The following DAB1 variants were observed in gnomAD, a reference collection of about 807,000 sequenced individuals.
DAB1 encodes the protein disabled homolog 1.
A neutral mutation model predicts 64.6 loss-of-function variants in DAB1; 15 were observed. The observed-to-expected ratio is 0.23, with a 90% CI of 0.16 to 0.36. The LOEUF is 0.36. Ranked by LOEUF, DAB1 falls within the 10% of genes least tolerant of loss-of-function variation. The pLI is 1.00. For synonymous variants in DAB1, 235 were observed against 251.9 expected (o/e 0.93, Z 0.64); for missense variants, 596 against 706.7 (o/e 0.84, Z 1.78).
chr1:57,335,523 T>C (rs2100810440), intron 1 of DAB1, among the ~76,000 whole-genome samples: 1 of 152,258 alleles, frequency 6.6e-6, no homozygotes, highest in Middle Eastern at 3.4e-3. Flanking sequence ...CGATAGGAAA[T>C]ACAATAACAA....
chr1:57,547,170 G>A (rs531570163), intron 7 of DAB1, among the ~76,000 whole-genome samples: 2 of 152,098 alleles, frequency 1.3e-5, no homozygotes, highest in Middle Eastern at 3.2e-3. Context: ...TCTATGACTG[G>A]CTTCTCTGCT....
intron 2 of DAB1, among the ~76,000 whole-genome samples, chr1:57,172,125 T>C (rs1387755569): frequency 6.6e-6 from 1 of 152,178 alleles, no homozygotes; most frequent in Non-Finnish European, 1.5e-5. Flanking sequence ...CTCATGATGT[T>C]CTCCCTGTGT....
At chr1:58,501,940 G>A (rs1012263576) in intron 3 of DAB1, among the ~76,000 whole-genome samples, 3 of 148,388 alleles carry the variant, frequency 2.0e-5, no homozygotes, top group South Asian at 2.1e-4. Flanking sequence ...CCCCACTCCC[G>A]CCCCCAGCAC....
intron 6 of DAB1, among the ~76,000 whole-genome samples, chr1:57,805,072 G>A (rs1242907378): frequency 6.6e-6 from 1 of 152,154 alleles, no homozygotes; most frequent in Non-Finnish European, 1.5e-5. Context: ...AGTACATGAT[G>A]ATCCCTAAGG....
chr1:58,175,591 A>C (rs918713058), intron 4 of DAB1, among the ~76,000 whole-genome samples: 1 of 152,178 alleles, frequency 6.6e-6, no homozygotes, highest in Non-Finnish European at 1.5e-5. Context: ...CTCTTTTTGC[A>C]TGCTTATTAA....
upstream of DAB1, among the ~76,000 whole-genome samples, chr1:57,427,314 T>A (rs1685328744): frequency 6.6e-6 from 1 of 152,200 alleles, no homozygotes; most frequent in African/African-American, 2.4e-5. Flanking sequence ...GCATTGGGAA[T>A]AATGGTGATA....
rs1231297441 is a variant in DAB1, at chr1:57,492,274, T to TA, written n.625+157317dup. Among the ~76,000 whole-genome samples, 3 of 152,362 alleles carry TA rather than the reference T, an allele frequency of 2.0e-5. No homozygotes were observed. The East Asian group carries it at 5.8e-4, about 29-fold the overall frequency. Reference sequence around the variant, plus strand: ...TATGGATTCAGAGGGCTTTGGAATTTATGTTCCAGCATTACTGCTTAATAG... The same window carrying TA: ...TATGGATTCAGAGGGCTTTGGAATTTAATGTTCCAGCATTACTGCTTAATAG... On this transcript the variant is annotated intron_variant and non_coding_transcript_variant, in intron 7 of 20. Coordinates refer to the DAB1 transcript ENST00000485760.
At chr1:58,118,447 G>T (rs1652480480) in intron 5 of DAB1, among the ~76,000 whole-genome samples, 1 of 82,436 alleles carries the variant, frequency 1.2e-5, no homozygotes, top group Non-Finnish European at 2.1e-5. Flanking sequence ...ATAACTTCAT[G>T]ATGCCAGGCA....
chr1:57,732,801 G>C (rs754153180), intron 6 of DAB1, among the ~76,000 whole-genome samples: 65 of 152,246 alleles, frequency 4.3e-4, no homozygotes, highest in Non-Finnish European at 3.5e-4. Context: ...ACTGGTCCTG[G>C]GTCAATGCAA....
rs1234993080 is a variant in DAB1 at position 57,398,979 on chromosome 1, G to A, written c.-137+24951C>T. 5.3e-5 allele frequency among the ~76,000 whole-genome samples: 8 copies of A among 152,178 alleles called. No homozygotes were observed. The East Asian group carries it at 5.8e-4, about 11-fold the overall frequency. The stretch of plus-strand genomic sequence containing the variant: ...TCCTTCTTCTGGGGAAATGCAGTCC[G>A]ACTCCTGGCCGGGCTTTTGTTTATA... On this transcript the variant is annotated intron_variant, in intron 1 of 14. Coordinates refer to ENST00000371236, the MANE Select transcript of DAB1 (RefSeq NM_001365792.1).
chr1:57,907,854 A>C, intron 5 of DAB1, among the ~76,000 whole-genome samples: 1 of 144,682 alleles, frequency 6.9e-6, no homozygotes, highest in African/African-American at 2.5e-5. Flanking sequence ...ATAAACCTAG[A>C]AGGTATGTGT....
intron 1 of DAB1, among the ~76,000 whole-genome samples, chr1:57,420,711 C>T (rs1184522730): frequency 6.6e-6 from 1 of 152,134 alleles, no homozygotes; most frequent in Non-Finnish European, 1.5e-5. Flanking sequence ...ATATGATTTT[C>T]TCCATAAAAT....
intron 2 of DAB1, among the ~76,000 whole-genome samples, chr1:57,286,752 C>A (rs1344118647): frequency 2.0e-5 from 3 of 152,058 alleles, no homozygotes; most frequent in Admixed American, 2.0e-4. Context: ...TAATACCAGA[C>A]ACAAGGTTTG....
rs1007602943 is a variant in DAB1 at position 57,144,350 on chromosome 1, G to T, written c.207+940C>A. On this transcript the variant is annotated intron_variant, in intron 3 of 14. Coordinates refer to ENST00000371236, the MANE Select transcript of DAB1 (RefSeq NM_001365792.1). ...AGAATCTGAGAAAAGTGTTATTTTT[G>T]TATGCTTTTAAGGATGTTTAATAAA... 6.6e-5 allele frequency among the ~76,000 whole-genome samples: 10 copies of T among 151,990 alleles called. No individual in the cohort carries two copies. The South Asian group carries it at 2.1e-3, about 32-fold the overall frequency.
chr1:58,268,359 T>C lies in DAB1; in HGVS notation n.309+74993A>G, dbSNP rs592262. ...TATATAGACCTTCATAATTGTTAAA[T>C]TATAGGTCATATATAATTATTAAAA... On this transcript the variant is annotated intron_variant and non_coding_transcript_variant, in intron 4 of 20. Coordinates refer to the DAB1 transcript ENST00000485760. Among the ~76,000 whole-genome samples, 4 of 151,876 alleles carry C rather than the reference T, an allele frequency of 2.6e-5. No homozygotes were observed. In the East Asian group the frequency reaches 7.7e-4, roughly 29 times the overall value.
At chr1:57,497,574 G>C (rs375477430) in intron 7 of DAB1, among the ~76,000 whole-genome samples, 1 of 152,208 alleles carries the variant, frequency 6.6e-6, no homozygotes, top group Non-Finnish European at 1.5e-5. Flanking sequence ...GCAGAAGTGA[G>C]CTAGTCTTGA....
chr1:58,137,031 C>T (rs963160651), intron 5 of DAB1, among the ~76,000 whole-genome samples: 3 of 151,448 alleles, frequency 2.0e-5, no homozygotes, highest in African/African-American at 7.3e-5. Context: ...GGCTGAATGG[C>T]GGGAAGGGCA....
At chr1:57,647,163 C>A (rs1158930040) in intron 7 of DAB1, among the ~76,000 whole-genome samples, 2 of 152,286 alleles carry the variant, frequency 1.3e-5, no homozygotes, top group East Asian at 3.9e-4. Context: ...CCTGGAAGTC[C>A]TTCCTTGCAA....
At chr1:57,585,164 G>T (rs1224971257) in intron 7 of DAB1, among the ~76,000 whole-genome samples, 5 of 144,622 alleles carry the variant, frequency 3.5e-5, no homozygotes, top group African/African-American at 1.0e-4. Flanking sequence ...CAGGAGAATC[G>T]CTCGAACCTG....
Sources: allele counts gnomAD v4.1 joint callset (sites outside exome capture counted in the v4.1 genomes callset), GRCh38; gene constraint gnomAD v4.1.1; transcripts MANE v1.5; gene names NCBI Gene and HGNC (gene_info 2026-07-23, HGNC 2026-07-21).